The following OR3A2 variants were observed in gnomAD, a reference collection of about 807,000 sequenced individuals.
OR3A2 encodes the protein olfactory receptor family 3 subfamily A member 2, also known as olfactory receptor 3A2.
For synonymous variants in OR3A2, 126 were observed against 159.3 expected (o/e 0.79, Z 1.57); for missense variants, 318 against 392.8 (o/e 0.81, Z 1.61).
chr17:3,301,351 CTGT>C (rs71377592), intron 3 of OR3A2, among the ~76,000 whole-genome samples: 2,429 of 152,206 alleles, frequency 0.016, 25 homozygotes, highest in Middle Eastern at 0.075. Flanking sequence ...TCTCCAGCAC[CTGT>C]TGTTTCCTGA....
intron 3 of OR3A2, among the ~76,000 whole-genome samples, chr17:3,297,500 T>C (rs2048928603): frequency 6.8e-6 from 1 of 147,854 alleles, no homozygotes; most frequent in African/African-American, 2.7e-5. Context: ...ATGTGCTTCC[T>C]CTGTAAAGGT....
At chr17:3,329,425 C>CA (rs1216404640) in intron 3 of OR3A2, among the ~76,000 whole-genome samples, 1 of 149,386 alleles carries the variant, frequency 6.7e-6, no homozygotes, top group East Asian at 1.9e-4. Flanking sequence ...CAACTTCTTC[C>CA]TGGTTTAGTC....
intron 2 of OR3A2, among the ~76,000 whole-genome samples, chr17:3,372,847 A>AGGAGAGGGAGAG (rs762420106): frequency 0.012 from 789 of 64,386 alleles, 9 homozygotes; most frequent in Middle Eastern, 0.04. Context: ...GAGAAGGAGA[A>AGGAGAGGGAGAG]GGAGAGGGAG....
At chr17:3,306,648 G>C (rs1391189165) in intron 3 of OR3A2, among the ~76,000 whole-genome samples, 1 of 145,526 alleles carries the variant, frequency 6.9e-6, no homozygotes, top group Non-Finnish European at 1.5e-5. Context: ...AATAGGGAGA[G>C]TGCAGGGGAT....
At chr17:3,386,261 A>G in exon 1 of OR3A2, 1 of 398,584 alleles carries the variant, frequency 2.5e-6, no homozygotes, top group Non-Finnish European at 4.4e-6. Context: ...GGCATCACCG[A>G]GAGCTACCTC....
intron 2 of OR3A2, among the ~76,000 whole-genome samples, chr17:3,375,139 CTTTTTTTTTTTT>C (rs552615698): frequency 0.016 from 471 of 28,710 alleles, no homozygotes; most frequent in African/African-American, 0.047. Context: ...AGCCTTCTTC[CTTTTTTTTTTTT>C]TTTTTTTTTT....
chr17:3,366,913 A>G (rs889475770), intron 2 of OR3A2, among the ~76,000 whole-genome samples: 7 of 152,146 alleles, frequency 4.6e-5, no homozygotes, highest in African/African-American at 1.4e-4. Flanking sequence ...TTGTCATCTC[A>G]TTAGCCAGAA....
intron 2 of OR3A2, among the ~76,000 whole-genome samples, chr17:3,367,300 G>C (rs2049572442): frequency 6.6e-6 from 1 of 151,974 alleles, no homozygotes; most frequent in Admixed American, 6.6e-5. Context: ...CGACATTTTG[G>C]TCCACCCATC....
At chr17:3,281,919 G>C (rs1000264568) in intron 1 of OR3A2, among the ~76,000 whole-genome samples, 1 of 152,066 alleles carries the variant, frequency 6.6e-6, no homozygotes, top group Non-Finnish European at 1.5e-5. Context: ...GTGGTACCTG[G>C]GTATGGGTGT....
chr17:3,335,121 T>C (rs957780560), intron 3 of OR3A2, among the ~76,000 whole-genome samples: 2 of 152,180 alleles, frequency 1.3e-5, no homozygotes, highest in Non-Finnish European at 2.9e-5. Flanking sequence ...ATTTGTCTGT[T>C]TGTAAATTGC....
intron 1 of OR3A2, among the ~76,000 whole-genome samples, chr17:3,281,193 C>T (rs186471971): frequency 7.7e-4 from 117 of 151,846 alleles, no homozygotes; most frequent in African/African-American, 2.4e-3. Flanking sequence ...ACCCACAGGC[C>T]GATTAAATCA....
chr17:3,288,727 A>G (rs1415077375), upstream of OR3A2, among the ~76,000 whole-genome samples: 1 of 152,196 alleles, frequency 6.6e-6, no homozygotes, highest in Non-Finnish European at 1.5e-5. Context: ...AATGCTGTAC[A>G]TTTTTTGGCA....
At chr17:3,300,738 A>T (rs1363778272) in intron 3 of OR3A2, among the ~76,000 whole-genome samples, 2 of 151,902 alleles carry the variant, frequency 1.3e-5, no homozygotes, top group African/African-American at 2.4e-5. Flanking sequence ...CATGTGCACA[A>T]TGTGCAGGTT....
chr17:3,355,704 T>C (rs1032139241), intron 2 of OR3A2, among the ~76,000 whole-genome samples: 4 of 151,406 alleles, frequency 2.6e-5, no homozygotes, highest in African/African-American at 7.3e-5. Context: ...TCTGTGTGCA[T>C]ATTTATAGGT....
At chr17:3,343,217 T>G (rs1173704720) in intron 2 of OR3A2, among the ~76,000 whole-genome samples, 1 of 152,208 alleles carries the variant, frequency 6.6e-6, no homozygotes, top group Non-Finnish European at 1.5e-5. Context: ...ACTTCCCAGG[T>G]GAGGCGATGC....
At position 3,279,111 on chromosome 17, in the gene OR3A2, C is replaced by T; in HGVS notation, c.-6-188G>A. 1.2e-6 allele frequency: 1 copy of T among 857,142 alleles called. No individual in the cohort carries two copies. The allele number at this position is 857,142 out of a possible 1,614,324, so 53.1% of individuals were successfully genotyped here. A position where few individuals can be genotyped will look rare whatever the true frequency, so the allele number is the denominator to read the frequency against. On this transcript the variant is annotated intron_variant, in intron 1 of 1. In the 5' UTR this introduces an upstream ATG that the reference lacks. Transcript: ENST00000642052. Reference sequence around the variant, plus strand: ...GTTGACATGCCCAATGACACCACCACCTTGTCCTCCTCATCCTCTGCTAGC... The same window carrying T: ...GTTGACATGCCCAATGACACCACCATCTTGTCCTCCTCATCCTCTGCTAGC...
intron 2 of OR3A2, among the ~76,000 whole-genome samples, chr17:3,345,589 A>C (rs1365905902): frequency 1.3e-5 from 2 of 152,170 alleles, no homozygotes; most frequent in African/African-American, 2.4e-5. Flanking sequence ...CTTGAAAATG[A>C]AAAACGTGAT....
At chr17:3,358,612 T>G (rs1228922905) in intron 2 of OR3A2, among the ~76,000 whole-genome samples, 1 of 151,776 alleles carries the variant, frequency 6.6e-6, no homozygotes, top group Non-Finnish European at 1.5e-5. Flanking sequence ...AATCTTGACT[T>G]CTATTTTTAT....
At chr17:3,319,395 C>T (rs1421046589) in intron 3 of OR3A2, among the ~76,000 whole-genome samples, 2 of 151,712 alleles carry the variant, frequency 1.3e-5, no homozygotes, top group Admixed American at 1.3e-4. Flanking sequence ...TATTATTATA[C>T]TTTAAGTTTT....
Sources: gnomAD v4.1 joint callset for allele counts (sites outside exome capture counted in the v4.1 genomes callset) on GRCh38, gnomAD v4.1.1 for gene constraint, MANE v1.5 for transcripts, NCBI Gene and HGNC (gene_info 2026-07-23, HGNC 2026-07-21) for gene names.